VPS13A: variants seen among roughly 807,000 people sequenced by gnomAD.
The protein encoded by VPS13A is intermembrane lipid transfer protein VPS13A.
VPS13A carries 264 observed loss-of-function variants against 390.9 expected under a neutral mutation model. The observed-to-expected ratio is 0.68, with a 90% CI of 0.61 to 0.75. VPS13A has a LOEUF of 0.75. Among genes scored for constraint, VPS13A ranks in the 30% least tolerant of loss-of-function variants. VPS13A has a pLI of 0.00. For missense variants in VPS13A, 3,409 were observed against 3,733.9 expected, an observed-to-expected ratio of 0.91 and a Z score of 2.27; for synonymous variants, 1,231 against 1,227.1, an observed-to-expected ratio of 1.00 and a Z score of -0.07.
At chr9:77,309,899 AG>A (rs1828971516) in intron 35 of VPS13A, among the ~76,000 whole-genome samples, 1 of 151,884 alleles carries the variant, frequency 6.6e-6, no homozygotes, top group African/African-American at 2.4e-5. Flanking sequence ...GCTGCCTGTC[AG>A]GGACTTAGAA....
intron 54 of VPS13A, among the ~76,000 whole-genome samples, chr9:77,356,388 C>T (rs1159635149): frequency 1.3e-5 from 2 of 152,244 alleles, no homozygotes; most frequent in Non-Finnish European, 2.9e-5. Flanking sequence ...ACATTTTCTT[C>T]TTTCAAAAGC....
chr9:77,381,210 G>C lies in VPS13A; in HGVS notation c.9078-766G>C, dbSNP rs1313110048. Reference sequence around the variant, plus strand: ...CCTGATTGGAGTGCAGTGGCATGGGGCTCAAACTATCCTCCCACCTCAGCC... The same window carrying C: ...CCTGATTGGAGTGCAGTGGCATGGGCCTCAAACTATCCTCCCACCTCAGCC... On this transcript the variant is annotated intron_variant, in intron 67 of 71. Transcript: ENST00000360280. Among the ~76,000 whole-genome samples the C allele has an allele frequency of 2.0e-5, 3 of 152,118 alleles. No individual in the cohort carries two copies. In the East Asian group the frequency reaches 5.8e-4, roughly 29 times the overall value.
intron 47 of VPS13A, 153 bp downstream of exon 47, chr9:77,337,690 G>A (rs981087672): frequency 2.8e-6 from 2 of 715,232 alleles, no homozygotes; most frequent in African/African-American, 1.8e-5. Context: ...CAACAAGTAT[G>A]AGAATTATTA....
At chr9:77,268,864 C>T (rs1432816241) in intron 23 of VPS13A, among the ~76,000 whole-genome samples, 2 of 151,346 alleles carry the variant, frequency 1.3e-5, no homozygotes, top group African/African-American at 4.9e-5. Context: ...CACTTGAACT[C>T]TGGAGGTGGA....
At position 77,318,286 on chromosome 9, in the gene VPS13A, A is replaced by G; in HGVS notation, c.5008A>G (p.Thr1670Ala). ...GATTACCATAACTTCAGCACTGTATACAACTAAGGAAACCATCCCAGAAGA... is the reference window on the plus strand; with the variant it reads ...GATTACCATAACTTCAGCACTGTATGCAACTAAGGAAACCATCCCAGAAGA... ...TMITITSALYTTKETIPEETA... is the reference protein window; with the variant it reads ...TMITITSALYATKETIPEETA... Residue 1670 changes from threonine to alanine, a missense_variant, in exon 41 of 72, where the codon ACA (threonine) becomes GCA (alanine). By Grantham distance (58) the Thr-to-Ala change is moderately conservative (BLOSUM62 0). This residue lies in a region of VPS13A where 2,717 missense variants were observed against 2,917.4 expected (regional missense o/e 0.93). Transcript: ENST00000360280. 3.7e-6 allele frequency: 6 copies of G among 1,608,724 alleles called. No individual in the cohort carries two copies. The highest frequency in any genetic ancestry group is 5.1e-6 in the Non-Finnish European group (6 of 1,178,578).
At chr9:77,336,125 T>C (rs948592061) in intron 46 of VPS13A, among the ~76,000 whole-genome samples, 1 of 152,164 alleles carries the variant, frequency 6.6e-6, no homozygotes, top group Non-Finnish European at 1.5e-5. Context: ...ACACCGCATG[T>C]TCTCACTCAT....
chr9:77,373,725 G>T (rs956746195), intron 67 of VPS13A, among the ~76,000 whole-genome samples: 240 of 150,774 alleles, frequency 1.6e-3, no homozygotes, highest in African/African-American at 3.8e-3. Context: ...GAAAATTTTC[G>T]CAACCTACTC....
intron 19 of VPS13A, among the ~76,000 whole-genome samples, chr9:77,242,967 A>G (rs964984642): frequency 6.6e-6 from 1 of 152,018 alleles, no homozygotes; most frequent in African/African-American, 2.4e-5. Flanking sequence ...TATGAAAAAA[A>G]ATGGAAAGCT....
intron 23 of VPS13A, among the ~76,000 whole-genome samples, chr9:77,271,661 T>C (rs949986804): frequency 9.9e-5 from 15 of 152,102 alleles, no homozygotes; most frequent in Non-Finnish European, 7.4e-5. Flanking sequence ...TGATGGGCAG[T>C]GATTGAGTGT....
intron 67 of VPS13A, among the ~76,000 whole-genome samples, chr9:77,375,529 G>A (rs542677689): frequency 9.2e-5 from 14 of 152,114 alleles, no homozygotes; most frequent in Non-Finnish European, 1.8e-4. Context: ...GGATAAATAA[G>A]GTAATTAGGT....
At chr9:77,200,313 C>T (rs1428887523) in intron 2 of VPS13A, among the ~76,000 whole-genome samples, 1 of 151,958 alleles carries the variant, frequency 6.6e-6, no homozygotes, top group Non-Finnish European at 1.5e-5. Flanking sequence ...ATGGTGAAAC[C>T]CCATCTCTAC....
chr9:77,207,122 T>TAA (rs1279160190), intron 5 of VPS13A, among the ~76,000 whole-genome samples: 3 of 134,808 alleles, frequency 2.2e-5, no homozygotes, highest in African/African-American at 5.4e-5. Context: ...GTGTCCGGAT[T>TAA]AAAAAAAAAA....
At chr9:77,284,938 C>T (rs1207145474) in intron 31 of VPS13A, among the ~76,000 whole-genome samples, 4 of 152,030 alleles carry the variant, frequency 2.6e-5, no homozygotes, top group Non-Finnish European at 5.9e-5. Flanking sequence ...CTCCTGGCCT[C>T]AAGTGGTCTG....
In VPS13A at chr9:77,318,627, A is replaced by G. The variant is rs370046311; in HGVS notation, c.5313+36A>G. ...TTTTCCAGTTTTATAACAGATAATG[A>G]TACGTATGGAATATTATGACAGATA... On this transcript the variant is annotated intron_variant, in intron 41 of 71. Transcript: ENST00000360280. 13 of 1,430,924 alleles carry G rather than the reference A, an allele frequency of 9.1e-6. No individual in the cohort carries two copies. In the African/African-American group the frequency reaches 1.3e-4, roughly 14 times the overall value. The allele number at this position is 1,430,924 out of a possible 1,614,324, so 88.6% of individuals were successfully genotyped here.
intron 10 of VPS13A, among the ~76,000 whole-genome samples, chr9:77,218,675 A>C (rs1441971078): frequency 2.1e-5 from 3 of 142,664 alleles, no homozygotes; most frequent in African/African-American, 7.9e-5. Context: ...AGGGACATGT[A>C]GTAAGTTAAA....
chr9:77,365,578 G>A lies in VPS13A; in HGVS notation c.8325+5G>A. 1 of 1,566,950 alleles carries A rather than the reference G, an allele frequency of 6.4e-7. No homozygotes were observed. The highest frequency in any genetic ancestry group is 1.1e-5 in the South Asian group (1 of 89,930). The stretch of plus-strand genomic sequence containing the variant: ...TTTCATATATCTCCTATCAAGGTAG[G>A]AGAAAGTCATTTTTATTGTCCTTGA... On this transcript the variant is annotated splice_donor_5th_base_variant and intron_variant, in intron 60 of 71. Transcript: ENST00000360280.
At chr9:77,406,710 C>G (rs1186922194) in intron 70 of VPS13A, among the ~76,000 whole-genome samples, 5 of 150,826 alleles carry the variant, frequency 3.3e-5, no homozygotes, top group Non-Finnish European at 1.5e-5. Flanking sequence ...AGCCACTGGA[C>G]CCAGCCTCAT....
Position 77,260,188 on chromosome 9 carries a change from A to C in VPS13A, c.2391A>C (p.Pro797=). ...TTGAAAGCATTCCAAAACCTGAACC[A>C]GTAACTGAAGTATCTGCCCCTGTCA... ...ELIESIPKPE[P]VTEVSAPVKS... Residue 797 remains proline, a synonymous_variant, in exon 23 of 72, where the codon CCA becomes CCC. Coordinates refer to ENST00000360280, the MANE Select transcript of VPS13A (RefSeq NM_033305.3). The C allele has an allele frequency of 6.2e-7, 1 of 1,613,410 alleles. No homozygotes were observed. The highest frequency in any genetic ancestry group is 1.1e-5 in the South Asian group (1 of 90,974).
At chr9:77,295,875 G>C in intron 33 of VPS13A, 29 bp downstream of exon 33, 1 of 1,607,576 alleles carries the variant, frequency 6.2e-7, no homozygotes, top group Non-Finnish European at 8.5e-7. Context: ...TATTTGTGTG[G>C]AATGCAATAT....
Sources: gnomAD v4.1 joint callset for allele counts (sites outside exome capture counted in the v4.1 genomes callset) on GRCh38, gnomAD v4.1.1 for gene constraint, gnomAD v4.1.1 regional missense constraint, MANE v1.5 for transcripts, NCBI Gene and HGNC (gene_info 2026-07-23, HGNC 2026-07-21) for gene names.